PEA15: variants seen among roughly 807,000 people sequenced by gnomAD.
The protein encoded by PEA15 is astrocytic phosphoprotein PEA-15.
For synonymous variants in PEA15, 60 were observed against 61.8 expected (o/e 0.97, Z 0.13); for missense variants, 77 against 161.3 (o/e 0.48, Z 2.83).
Position 160,208,710 on chromosome 1 carries a change from AAC to A in PEA15, c.-2-2830_-2-2829del, listed in dbSNP as rs944894687. ...AGAATTGAGAGCAGTTCCCCTAAAC[AAC>A]ACTCCCTTTGCTTCTTCTGCCATAC... On this transcript the variant is annotated intron_variant, in intron 1 of 3. Coordinates refer to ENST00000360472, the MANE Select transcript of PEA15 (RefSeq NM_003768.5). This position sits in a 1 kb window ranked among gnomAD's most constrained non-coding sequence, Gnocchi z 4.1. The A allele has an allele frequency of 3.7e-5, 54 of 1,479,040 alleles. No homozygotes were observed. Among genetic ancestry groups the A allele is most frequent in the Admixed American group, 7.9e-5 (4 of 50,906 alleles). The allele number at this position is 1,479,040 out of a possible 1,614,324, so 91.6% of individuals were successfully genotyped here.
chr1:160,210,853 G>A (rs1327741934), intron 1 of PEA15, among the ~76,000 whole-genome samples: 2 of 152,232 alleles, frequency 1.3e-5, no homozygotes, highest in East Asian at 3.9e-4. Flanking sequence ...GAGAAAATGG[G>A]CTCCACAAAG....
rs1319049089 is a variant in PEA15 at position 160,214,473 on chromosome 1, A to T, written c.*987A>T. ...CTTACTTAGGAAACCCTTCTTTACT[A>T]GATATCCTGGCCCCCTGGGCTTGTG... On this transcript the variant is annotated 3_prime_UTR_variant, in exon 4 of 4. Transcript: ENST00000360472. 1 of 152,656 alleles carries T rather than the reference A, an allele frequency of 6.6e-6. No individual in the cohort carries two copies. Among genetic ancestry groups the T allele is most frequent in the Non-Finnish European group, 1.5e-5 (1 of 68,096 alleles). 9.5% of individuals were successfully genotyped at this position (152,656 alleles called of 1,614,324 possible). A position where few individuals can be genotyped will look rare whatever the true frequency, so the allele number is the denominator to read the frequency against.
Position 160,215,069 on chromosome 1 carries a change from G to C in PEA15, c.*1583G>C, listed in dbSNP as rs1259417814. ...CCCTGTCTGGCTTCTCCCTTAAGAA[G>C]AGAGAGATACTTGTAGAATTGGGTG... On this transcript the variant is annotated 3_prime_UTR_variant, in exon 4 of 4. Transcript: ENST00000360472. The C allele has an allele frequency of 1.4e-5, 2 of 146,282 alleles. No homozygotes were observed. Among genetic ancestry groups the C allele is most frequent in the African/African-American group, 5.7e-5 (2 of 35,260 alleles). The allele number at this position is 146,282 out of a possible 1,614,324, so 9.1% of individuals were successfully genotyped here. A position where few individuals can be genotyped will look rare whatever the true frequency, so the allele number is the denominator to read the frequency against.
intron 1 of PEA15, among the ~76,000 whole-genome samples, chr1:160,209,220 A>G (rs570512593): frequency 3.3e-5 from 5 of 152,136 alleles, no homozygotes; most frequent in African/African-American, 1.2e-4. Context: ...TTACCAGAAC[A>G]TCCAAACACA....
intron 1 of PEA15, chr1:160,211,279 G>A (rs1344862267): frequency 1.7e-6 from 2 of 1,147,138 alleles, no homozygotes; most frequent in Non-Finnish European, 1.1e-6. Flanking sequence ...CTGTTAGAGG[G>A]GGAAAACAGA....
rs1298632522 is a variant in PEA15, at chr1:160,208,664, A to T, written c.-2-2879A>T. ...CACCATGGCCAGGCCAGACCAGCCCAGGTACAACTGTTGATCAGTGAGAAT... is the reference window on the plus strand; with the variant it reads ...CACCATGGCCAGGCCAGACCAGCCCTGGTACAACTGTTGATCAGTGAGAAT... On this transcript the variant is annotated intron_variant, in intron 1 of 3. Coordinates refer to ENST00000360472, the MANE Select transcript of PEA15 (RefSeq NM_003768.5). The surrounding 1 kb of genome is among the most constrained non-coding windows in gnomAD (Gnocchi z 4.1). 6.5e-7 allele frequency: 1 copy of T among 1,550,068 alleles called. No homozygotes were observed. Among genetic ancestry groups the T allele is most frequent in the Admixed American group, 2.0e-5 (1 of 51,000 alleles).
chr1:160,206,232 A>G (rs999645177), intron 1 of PEA15: 2 of 152,242 alleles, frequency 1.3e-5, no homozygotes, highest in Non-Finnish European at 2.9e-5. Context: ...GGGGCATCCC[A>G]TGAGGAGTCT....
rs1654714548 is a variant in PEA15, at chr1:160,208,701, C to T, written c.-2-2842C>T. On this transcript the variant is annotated intron_variant, in intron 1 of 3. Transcript: ENST00000360472. This position sits in a 1 kb window ranked among gnomAD's most constrained non-coding sequence, Gnocchi z 4.1. ...TGATCAGTGAGAATTGAGAGCAGTT[C>T]CCCTAAACAACACTCCCTTTGCTTC... The T allele has an allele frequency of 6.6e-7, 1 of 1,511,786 alleles. No individual in the cohort carries two copies. The highest frequency in any genetic ancestry group is 9.0e-7 in the Non-Finnish European group (1 of 1,111,800). The allele number at this position is 1,511,786 out of a possible 1,614,324, so 93.6% of individuals were successfully genotyped here. A position where few individuals can be genotyped will look rare whatever the true frequency, so the allele number is the denominator to read the frequency against.
At chr1:160,206,832 A>C (rs1294558573) in intron 1 of PEA15, among the ~76,000 whole-genome samples, 1 of 152,156 alleles carries the variant, frequency 6.6e-6, no homozygotes, top group East Asian at 1.9e-4. Context: ...TCTGGGCCCC[A>C]GGCTGTCAGA....
chr1:160,209,510 G>GACACAC (rs111598251), intron 1 of PEA15, among the ~76,000 whole-genome samples: 94 of 146,690 alleles, frequency 6.4e-4, no homozygotes, highest in African/African-American at 2.2e-3. Flanking sequence ...AACTCCTCCC[G>GACACAC]ACACACACAC....
chr1:160,207,041 A>G (rs1654629808), intron 1 of PEA15: 1 of 152,456 alleles, frequency 6.6e-6, no homozygotes, highest in Admixed American at 6.5e-5. Context: ...CTCACGCACA[A>G]TGTCATGATG....
At position 160,214,822 on chromosome 1, in the gene PEA15, T is replaced by A. The variant is rs1291606930; in HGVS notation, c.*1336T>A. ...GTCTCAGAGACTATTTAGACAAAGT[T>A]CAAGTTAGGAGCTTTTAGGATGTGG... On this transcript the variant is annotated 3_prime_UTR_variant, in exon 4 of 4. Transcript: ENST00000360472. 1 of 152,646 alleles carries A rather than the reference T, an allele frequency of 6.6e-6. No homozygotes were observed. Among genetic ancestry groups the A allele is most frequent in the African/African-American group, 2.4e-5 (1 of 41,448 alleles). The allele number at this position is 152,646 out of a possible 1,614,324, so 9.5% of individuals were successfully genotyped here.
In PEA15 at chr1:160,213,296, C is replaced by T; in HGVS notation, c.328+31C>T. The T allele has an allele frequency of 6.2e-7, 1 of 1,614,040 alleles. No homozygotes were observed. Reference sequence around the variant, plus strand: ...CGGCCACTCCTTTAACTAGCTGCACCTCTGCCTCGTCCCGTTGACTATCCT... The same window carrying T: ...CGGCCACTCCTTTAACTAGCTGCACTTCTGCCTCGTCCCGTTGACTATCCT... On this transcript the variant is annotated intron_variant, in intron 3 of 3. Coordinates refer to ENST00000360472, the MANE Select transcript of PEA15 (RefSeq NM_003768.5). This position sits in a 1 kb window ranked among gnomAD's most constrained non-coding sequence, Gnocchi z 5.3.
chr1:160,208,799 C>A lies in PEA15; in HGVS notation c.-2-2744C>A. The A allele has an allele frequency of 1.4e-6, 1 of 701,454 alleles. No individual in the cohort carries two copies. 43.5% of individuals were successfully genotyped at this position (701,454 alleles called of 1,614,324 possible). ...GCAACTGGGCTGCCTTTCCTTGTACCGTCAGGGGGCCTTATTCCTATCCTT... is the reference window on the plus strand; with the variant it reads ...GCAACTGGGCTGCCTTTCCTTGTACAGTCAGGGGGCCTTATTCCTATCCTT... On this transcript the variant is annotated intron_variant, in intron 1 of 3. Coordinates refer to ENST00000360472, the MANE Select transcript of PEA15 (RefSeq NM_003768.5). The surrounding 1 kb of genome is among the most constrained non-coding windows in gnomAD (Gnocchi z 4.1).
chr1:160,210,864 G>A (rs1205285315), intron 1 of PEA15, among the ~76,000 whole-genome samples: 1 of 152,186 alleles, frequency 6.6e-6, no homozygotes, highest in Non-Finnish European at 1.5e-5. Flanking sequence ...CTCCACAAAG[G>A]TGGGGGTGGT....
rs1557819172 is a variant in PEA15 at position 160,205,672 on chromosome 1, G to C, written c.-3+150G>C. ...CTTTGTGTCAGGCCTCACGGGGTCCGTCCCTCGGTCGGTGCGTCCCGAGCG... is the reference window on the plus strand; with the variant it reads ...CTTTGTGTCAGGCCTCACGGGGTCCCTCCCTCGGTCGGTGCGTCCCGAGCG... On this transcript the variant is annotated intron_variant, in intron 1 of 3. Coordinates refer to ENST00000360472, the MANE Select transcript of PEA15 (RefSeq NM_003768.5). The surrounding 1 kb of genome is among the most constrained non-coding windows in gnomAD (Gnocchi z 5.9). 6.6e-6 allele frequency: 1 copy of C among 152,328 alleles called. No individual in the cohort carries two copies. The highest frequency in any genetic ancestry group is 1.5e-5 in the Non-Finnish European group (1 of 68,146). The allele number at this position is 152,328 out of a possible 1,614,324, so 9.4% of individuals were successfully genotyped here.
At position 160,208,927 on chromosome 1, in the gene PEA15, C is replaced by G. The variant is rs1654726235; in HGVS notation, c.-2-2616C>G. On this transcript the variant is annotated intron_variant, in intron 1 of 3. Coordinates refer to ENST00000360472, the MANE Select transcript of PEA15 (RefSeq NM_003768.5). The surrounding 1 kb of genome is among the most constrained non-coding windows in gnomAD (Gnocchi z 4.1). ...CCCAGAACTGAGGTTGCTATAGTAA[C>G]AGATGAGATGAGGCTACAGCCTTCT... is the stretch of plus-strand genomic sequence containing the variant. The G allele has an allele frequency of 1.6e-5, 8 of 509,928 alleles. No individual in the cohort carries two copies. The South Asian group carries it at 2.0e-4, about 13-fold the overall frequency. The allele number at this position is 509,928 out of a possible 1,614,324, so 31.6% of individuals were successfully genotyped here.
intron 2 of PEA15, among the ~76,000 whole-genome samples, chr1:160,212,815 T>C (rs1654932692): frequency 6.6e-6 from 1 of 152,052 alleles, no homozygotes; most frequent in African/African-American, 2.4e-5. Context: ...GATTTTTCTT[T>C]TGTCCCCTCC....
chr1:160,210,191 G>A (rs957294771), intron 1 of PEA15, among the ~76,000 whole-genome samples: 5 of 152,240 alleles, frequency 3.3e-5, no homozygotes, highest in Admixed American at 2.6e-4. Context: ...GAAGGAAAAT[G>A]TGAATGTGTC....
Sources: allele counts gnomAD v4.1 joint callset (sites outside exome capture counted in the v4.1 genomes callset), GRCh38; gene constraint gnomAD v4.1.1; non-coding constraint Gnocchi (gnomAD v3.1); transcripts MANE v1.5; gene names NCBI Gene and HGNC (gene_info 2026-07-23, HGNC 2026-07-21).